The following CLIC5 variants were observed in gnomAD, a reference collection of about 807,000 sequenced individuals.
The protein encoded by CLIC5 is CLIC family member 5, also known as chloride intracellular channel protein 5.
CLIC5 carries 20 observed loss-of-function variants against 24.7 expected under a neutral mutation model. The ratio of observed to expected loss-of-function variants is 0.81; its 90% CI spans 0.57 to 1.18. CLIC5 has a LOEUF of 1.18. Among genes scored for constraint, CLIC5 ranks in the 50% most tolerant of loss-of-function variants. CLIC5 has a pLI of 0.00. For synonymous variants in CLIC5, 159 were observed against 135.6 expected (o/e 1.17, Z -1.20); for missense variants, 341 against 326.1 (o/e 1.05, Z -0.35).
chr6:46,094,707 G>A, the CLIC5 span, among the ~76,000 whole-genome samples: 19 of 152,336 alleles, frequency 1.2e-4, no homozygotes, highest in South Asian at 4.1e-4. Context: ...CTGATGGGCT[G>A]TCACTGAGTG....
chr6:45,884,499 C>A (rs1014954595), intron 6 of CLIC5, among the ~76,000 whole-genome samples: 1 of 152,204 alleles, frequency 6.6e-6, no homozygotes, highest in Non-Finnish European at 1.5e-5. Context: ...AGACAATTCT[C>A]CTGGGCAGCC....
chr6:46,002,422 T>C (rs925158985), intron 1 of CLIC5, among the ~76,000 whole-genome samples: 4 of 152,180 alleles, frequency 2.6e-5, no homozygotes, highest in African/African-American at 9.7e-5. Flanking sequence ...CTTGGGCCAA[T>C]GCCACATCTT....
the CLIC5 span, among the ~76,000 whole-genome samples, chr6:46,126,402 A>G: frequency 6.6e-6 from 1 of 152,228 alleles, no homozygotes; most frequent in Admixed American, 6.5e-5. Context: ...AAGAATTTAT[A>G]CTGATTCTTT....
At chr6:46,115,063 C>A in the CLIC5 span, among the ~76,000 whole-genome samples, 1 of 152,152 alleles carries the variant, frequency 6.6e-6, no homozygotes, top group East Asian at 1.9e-4. Context: ...TCCATTGAAT[C>A]CCTGGAGACC....
At chr6:46,096,122 C>G in the CLIC5 span, among the ~76,000 whole-genome samples, 2 of 152,092 alleles carry the variant, frequency 1.3e-5, no homozygotes, top group African/African-American at 2.4e-5. Flanking sequence ...GGAACAAGAC[C>G]AAGAGAGAGT....
chr6:46,124,636 G>C, the CLIC5 span, among the ~76,000 whole-genome samples: 2 of 152,132 alleles, frequency 1.3e-5, no homozygotes, highest in East Asian at 1.9e-4. Context: ...AGAGTGAATG[G>C]GCAACCTACA....
intron 2 of CLIC5, among the ~76,000 whole-genome samples, chr6:45,952,316 G>T (rs530257622): frequency 2.3e-4 from 35 of 152,284 alleles, no homozygotes; most frequent in Admixed American, 4.6e-4. Context: ...GTATTGCCAG[G>T]TATGATTTAT....
At chr6:45,974,186 A>T (rs1765299727) in intron 1 of CLIC5, among the ~76,000 whole-genome samples, 1 of 151,850 alleles carries the variant, frequency 6.6e-6, no homozygotes, top group Non-Finnish European at 1.5e-5. Context: ...TAAAACCACC[A>T]GGCTGGGAAT....
chr6:45,940,066 A>C (rs1764078528), intron 4 of CLIC5, among the ~76,000 whole-genome samples: 1 of 152,098 alleles, frequency 6.6e-6, no homozygotes, highest in African/African-American at 2.4e-5. Context: ...CCAAGCTGGC[A>C]CTGTGGGCTT....
At chr6:45,884,473 T>C (rs2127280441) in intron 6 of CLIC5, among the ~76,000 whole-genome samples, 1 of 152,306 alleles carries the variant, frequency 6.6e-6, no homozygotes, top group East Asian at 1.9e-4. Flanking sequence ...AATATGTACT[T>C]TCCGCTGATC....
intron 4 of CLIC5, among the ~76,000 whole-genome samples, chr6:45,925,773 A>G (rs570752962): frequency 6.6e-6 from 1 of 152,322 alleles, no homozygotes; most frequent in East Asian, 1.9e-4. Context: ...TTAACTCTGT[A>G]GAGGAACAAC....
At chr6:45,913,511 C>T (rs1561926416) in intron 5 of CLIC5, among the ~76,000 whole-genome samples, 1 of 152,152 alleles carries the variant, frequency 6.6e-6, no homozygotes, top group Non-Finnish European at 1.5e-5. Flanking sequence ...AAGCAGAGGG[C>T]TCCTCGTTCT....
the CLIC5 span, among the ~76,000 whole-genome samples, chr6:46,106,442 CA>C: frequency 6.6e-6 from 1 of 152,108 alleles, no homozygotes; most frequent in Admixed American, 6.6e-5. Flanking sequence ...ATATACTTTC[CA>C]GCTGTGCCTG....
intron 1 of CLIC5, among the ~76,000 whole-genome samples, chr6:45,972,769 A>G (rs922864930): frequency 7.2e-5 from 11 of 152,366 alleles, no homozygotes; most frequent in Admixed American, 1.3e-4. Context: ...TCATACAGCA[A>G]CAATCGGAAG....
intron 1 of CLIC5, among the ~76,000 whole-genome samples, chr6:46,006,534 C>T (rs753308589): frequency 1.1e-4 from 16 of 152,018 alleles, no homozygotes; most frequent in South Asian, 4.1e-4. Context: ...GGGACACATC[C>T]GGGCTTGTCT....
rs1267733200 is a variant in CLIC5 at position 45,979,767 on chromosome 6, A to AAAT, written c.64-24526_64-24524dup. ...CACTACTTATAAACCATTACATGAG[A>AAAT]AATGGCCTTTTAGACCTTTGTGAGA... On this transcript the variant is annotated intron_variant, in intron 1 of 5. Transcript: ENST00000339561. Among the ~76,000 whole-genome samples the AAAT allele has an allele frequency of 5.3e-5, 8 of 152,258 alleles. 1 individual carries two copies.
At chr6:45,977,305 A>G (rs1765416607) in intron 1 of CLIC5, among the ~76,000 whole-genome samples, 1 of 152,166 alleles carries the variant, frequency 6.6e-6, no homozygotes, top group East Asian at 1.9e-4. Context: ...TTTAATGACA[A>G]GCATATTGTA....
the CLIC5 span, among the ~76,000 whole-genome samples, chr6:46,128,027 C>T: frequency 6.6e-6 from 1 of 152,126 alleles, no homozygotes; most frequent in Non-Finnish European, 1.5e-5. Context: ...CTCAACCAGT[C>T]CTGAAGTCTG....
At chr6:46,057,259 C>T (rs986891870) in intron 1 of CLIC5, among the ~76,000 whole-genome samples, 4 of 152,200 alleles carry the variant, frequency 2.6e-5, no homozygotes, top group Non-Finnish European at 5.9e-5. Flanking sequence ...ATCATGAGGA[C>T]TGGTCTTTCC....
Sources: gnomAD v4.1 joint callset for allele counts (sites outside exome capture counted in the v4.1 genomes callset) on GRCh38, gnomAD v4.1.1 for gene constraint, MANE v1.5 for transcripts, NCBI Gene and HGNC (gene_info 2026-07-23, HGNC 2026-07-21) for gene names.